Variants in AFG2A observed in about 807,000 individuals in gnomAD.
AFG2A encodes the protein AAA ATPase AFG2A, also known as ATPase family gene 2 protein homolog A.
the AFG2A span, among the ~76,000 whole-genome samples, chr4:123,007,568 A>T: frequency 1.4e-3 from 124 of 91,766 alleles, 2 homozygotes; most frequent in African/African-American, 6.2e-3. Context: ...GTGTGTGTAT[A>T]TGTGTGTGTG....
At chr4:123,175,217 C>G in the AFG2A span, among the ~76,000 whole-genome samples, 1 of 151,760 alleles carries the variant, frequency 6.6e-6, no homozygotes, top group Non-Finnish European at 1.5e-5. Flanking sequence ...AAAAAATTAA[C>G]AGAATAGTGA....
chr4:123,228,747 C>A, the AFG2A span, among the ~76,000 whole-genome samples: 1 of 151,946 alleles, frequency 6.6e-6, no homozygotes, highest in African/African-American at 2.4e-5. Context: ...ACACACTTAG[C>A]AAATGGAAAA....
At chr4:123,034,007 T>C in the AFG2A span, among the ~76,000 whole-genome samples, 1 of 152,284 alleles carries the variant, frequency 6.6e-6, no homozygotes, top group African/African-American at 2.4e-5. Flanking sequence ...CACAGCCAGA[T>C]GATCAAGGTT....
the AFG2A span, among the ~76,000 whole-genome samples, chr4:122,951,016 G>A: frequency 6.6e-6 from 1 of 152,202 alleles, no homozygotes; most frequent in Non-Finnish European, 1.5e-5. Flanking sequence ...TGACCACATC[G>A]TCTGTGGGGA....
At chr4:122,986,313 A>T in the AFG2A span, among the ~76,000 whole-genome samples, 194 of 152,218 alleles carry the variant, frequency 1.3e-3, no homozygotes, top group African/African-American at 4.1e-3. Context: ...TATAGTTGAA[A>T]TCCATGGTTT....
At chr4:123,262,798 T>C in the AFG2A span, among the ~76,000 whole-genome samples, 50 of 152,324 alleles carry the variant, frequency 3.3e-4, no homozygotes, top group South Asian at 0.01. Context: ...AACAACGAAG[T>C]TTTATATAAT....
the AFG2A span, among the ~76,000 whole-genome samples, chr4:123,121,778 C>G: frequency 6.6e-6 from 1 of 152,178 alleles, no homozygotes; most frequent in African/African-American, 2.4e-5. Flanking sequence ...TTAAGTGACA[C>G]ATGACTGTAT....
At chr4:123,148,542 G>A in the AFG2A span, among the ~76,000 whole-genome samples, 1 of 152,130 alleles carries the variant, frequency 6.6e-6, no homozygotes, top group Non-Finnish European at 1.5e-5. Context: ...CATTAAGTGT[G>A]TCTCTTGATT....
chr4:122,934,244 C>G, the AFG2A span: 3 of 1,614,120 alleles, frequency 1.9e-6, no homozygotes, highest in South Asian at 3.3e-5. Flanking sequence ...CAAAGAATGG[C>G]CTTTGAACAG....
the AFG2A span, chr4:123,256,749 A>G: frequency 2.0e-6 from 2 of 985,436 alleles, no homozygotes; most frequent in East Asian, 1.1e-4. Context: ...AACTCTTGAC[A>G]AGAACAGCAA....
chr4:123,140,510 T>A, the AFG2A span, among the ~76,000 whole-genome samples: 93 of 150,646 alleles, frequency 6.2e-4, no homozygotes, highest in East Asian at 2.5e-3. Flanking sequence ...TTTTTTTTTT[T>A]AAAAAAGCGA....
chr4:123,216,171 C>G, the AFG2A span, among the ~76,000 whole-genome samples: 1 of 152,050 alleles, frequency 6.6e-6, no homozygotes, highest in Admixed American at 6.6e-5. Flanking sequence ...TGACCTATGA[C>G]AGGTTTTTCT....
chr4:123,279,654 A>G, the AFG2A span, among the ~76,000 whole-genome samples: 1 of 152,046 alleles, frequency 6.6e-6, no homozygotes, highest in African/African-American at 2.4e-5. Flanking sequence ...TATAGAAAGC[A>G]CTTGTACATA....
chr4:123,287,405 G>T, the AFG2A span, among the ~76,000 whole-genome samples: 1 of 152,078 alleles, frequency 6.6e-6, no homozygotes, highest in Non-Finnish European at 1.5e-5. Flanking sequence ...GAAGTTTGTG[G>T]GGGTATTTTT....
chr4:122,942,860 A>G, the AFG2A span, among the ~76,000 whole-genome samples: 1 of 151,100 alleles, frequency 6.6e-6, no homozygotes, highest in Non-Finnish European at 1.5e-5. Context: ...GTTTCAAAGA[A>G]CATCTTTATT....
At chr4:123,086,523 C>G in the AFG2A span, among the ~76,000 whole-genome samples, 1 of 152,096 alleles carries the variant, frequency 6.6e-6, no homozygotes, top group Admixed American at 6.6e-5. Flanking sequence ...ATTTATTCTG[C>G]TCAGTGTTCA....
the AFG2A span, among the ~76,000 whole-genome samples, chr4:123,108,407 T>G: frequency 3.3e-5 from 5 of 152,150 alleles, no homozygotes; most frequent in Non-Finnish European, 7.4e-5. Flanking sequence ...TAGATTATAC[T>G]CCTGTCTCCT....
the AFG2A span, among the ~76,000 whole-genome samples, chr4:123,220,748 A>G: frequency 1.3e-5 from 2 of 152,066 alleles, no homozygotes; most frequent in African/African-American, 2.4e-5. Context: ...TGTGTTATTA[A>G]TGAGCTAAAA....
the AFG2A span, among the ~76,000 whole-genome samples, chr4:123,060,946 TC>T: frequency 6.6e-6 from 1 of 152,194 alleles, no homozygotes; most frequent in African/African-American, 2.4e-5. Flanking sequence ...TGTTCAAAGT[TC>T]TACAGATCTC....
Sources: allele counts gnomAD v4.1 joint callset (sites outside exome capture counted in the v4.1 genomes callset), GRCh38; gene constraint gnomAD v4.1.1; transcripts MANE v1.5; gene names NCBI Gene and HGNC (gene_info 2026-07-23, HGNC 2026-07-21).